Variants in ARHGAP10 observed in about 807,000 individuals in gnomAD.
ARHGAP10 encodes the protein Rho GTPase activating protein 10, also known as rho GTPase-activating protein 10.
Under a neutral mutation model 108.6 loss-of-function variants are expected in ARHGAP10, and 87 were observed. The observed-to-expected ratio is 0.80, with a 90% CI of 0.67 to 0.96. The LOEUF (loss-of-function observed/expected upper bound fraction) is 0.96, where lower values mean the gene tolerates loss of function less well. Ranked by LOEUF, ARHGAP10 falls within the 40% of genes least tolerant of loss-of-function variation. The pLI is 0.00. For missense variants in ARHGAP10, 939 were observed against 954.5 expected, an observed-to-expected ratio of 0.98 and a Z score of 0.21; for synonymous variants, 347 against 341.1, an observed-to-expected ratio of 1.02 and a Z score of -0.19.
intron 4 of ARHGAP10, among the ~76,000 whole-genome samples, chr4:147,853,584 T>C (rs936493665): frequency 2.0e-5 from 3 of 152,220 alleles, no homozygotes; most frequent in Non-Finnish European, 4.4e-5. Flanking sequence ...TTCTTTGTGT[T>C]CTTTATCCAT....
Position 148,052,392 on chromosome 4 carries a change from CTTTTTTTTTT to C in ARHGAP10, c.2027+5352_2027+5361del, listed in dbSNP as rs35449374. Among the ~76,000 whole-genome samples the C allele has an allele frequency of 5.1e-3, 465 of 90,692 alleles. 4 individuals carry two copies. Among genetic ancestry groups the C allele is most frequent in the Middle Eastern group, 0.035 (4 of 114 alleles). 59.5% of individuals were successfully genotyped at this position (90,692 alleles called of 152,430 possible). On this transcript the variant is annotated intron_variant, in intron 20 of 22. Coordinates refer to ENST00000336498, the MANE Select transcript of ARHGAP10 (RefSeq NM_024605.4). ...TTAAAAGTGTTTTTTTGCACATTTGCTTTTTTTTTTTTTTTTTTTTGGGCTAATTGACCAA... is the reference window on the plus strand; with the variant it reads ...TTAAAAGTGTTTTTTTGCACATTTGCTTTTTTTTTTGGGCTAATTGACCAA...
chr4:147,771,328 A>G (rs977083138), intron 1 of ARHGAP10, among the ~76,000 whole-genome samples: 13 of 152,106 alleles, frequency 8.5e-5, no homozygotes, highest in Non-Finnish European at 1.5e-5. Context: ...TTACTTTTTA[A>G]TTTTTGTGGG....
At chr4:147,879,146 A>G in intron 8 of ARHGAP10, 86 bp from the exon 9 acceptor site, 1 of 1,050,054 alleles carries the variant, frequency 9.5e-7, no homozygotes, top group Non-Finnish European at 1.4e-6. Flanking sequence ...TGCGTTTTAG[A>G]CATTTCCTCT....
At chr4:147,901,367 A>C (rs1479458733) in intron 10 of ARHGAP10, among the ~76,000 whole-genome samples, 1 of 152,198 alleles carries the variant, frequency 6.6e-6, no homozygotes, top group Non-Finnish European at 1.5e-5. Flanking sequence ...TTTAATGTTA[A>C]AGTAATGCGT....
chr4:147,883,983 CTG>C (rs1318870786), intron 10 of ARHGAP10, among the ~76,000 whole-genome samples: 1 of 152,234 alleles, frequency 6.6e-6, no homozygotes, highest in African/African-American at 2.4e-5. Flanking sequence ...GCAAGAGCCA[CTG>C]TGCCTAGCTT....
chr4:147,910,530 G>A (rs954326460), intron 12 of ARHGAP10, among the ~76,000 whole-genome samples: 7 of 152,068 alleles, frequency 4.6e-5, no homozygotes, highest in African/African-American at 1.7e-4. Context: ...TGTAGTGTTT[G>A]ACTACAGGCT....
At chr4:147,807,492 A>G (rs554255830) in intron 1 of ARHGAP10, among the ~76,000 whole-genome samples, 16 of 152,258 alleles carry the variant, frequency 1.1e-4, no homozygotes, top group African/African-American at 3.4e-4. Context: ...TTTTTCTGAA[A>G]TGGTCAGGAA....
At chr4:147,773,231 A>C (rs1730144812) in intron 1 of ARHGAP10, among the ~76,000 whole-genome samples, 1 of 152,204 alleles carries the variant, frequency 6.6e-6, no homozygotes, top group Non-Finnish European at 1.5e-5. Context: ...CGTTACTTTC[A>C]TTAATGTACA....
At chr4:148,010,050 T>C (rs751606099) in intron 18 of ARHGAP10, among the ~76,000 whole-genome samples, 22 of 152,232 alleles carry the variant, frequency 1.4e-4, no homozygotes, top group Non-Finnish European at 2.8e-4. Flanking sequence ...TAGATGTCTG[T>C]GTTTTGGTCT....
intron 7 of ARHGAP10, among the ~76,000 whole-genome samples, chr4:147,872,435 T>G (rs1734865646): frequency 6.6e-6 from 1 of 152,184 alleles, no homozygotes; most frequent in Admixed American, 6.5e-5. Flanking sequence ...GGTTTTCAAA[T>G]ATATAGGTAG....
chr4:147,788,565 C>T (rs1730990467), intron 1 of ARHGAP10, among the ~76,000 whole-genome samples: 1 of 152,172 alleles, frequency 6.6e-6, no homozygotes, highest in Non-Finnish European at 1.5e-5. Context: ...GTAAGGAGAT[C>T]AGCACATGGG....
intron 13 of ARHGAP10, among the ~76,000 whole-genome samples, chr4:147,913,850 C>T (rs186005758): frequency 6.6e-6 from 1 of 152,146 alleles, no homozygotes; most frequent in Admixed American, 6.5e-5. Context: ...TTGTGTGGGT[C>T]CCTGTTTAAA....
At chr4:147,920,838 A>AT (rs908679385) in intron 13 of ARHGAP10, among the ~76,000 whole-genome samples, 7 of 152,200 alleles carry the variant, frequency 4.6e-5, no homozygotes, top group African/African-American at 1.7e-4. Flanking sequence ...GGGAAAGTAT[A>AT]TTTTGGCGTT....
chr4:147,967,559 A>G (rs1054310459), intron 18 of ARHGAP10, among the ~76,000 whole-genome samples: 1 of 152,244 alleles, frequency 6.6e-6, no homozygotes, highest in Non-Finnish European at 1.5e-5. Context: ...CCCTCCCACC[A>G]TACCCACTCA....
At chr4:147,794,463 C>G (rs571248394) in intron 1 of ARHGAP10, among the ~76,000 whole-genome samples, 3 of 152,208 alleles carry the variant, frequency 2.0e-5, no homozygotes, top group African/African-American at 7.2e-5. Context: ...GAGTATACAA[C>G]TGGTTAGGTT....
At chr4:147,769,889 C>T (rs1320581309) in intron 1 of ARHGAP10, among the ~76,000 whole-genome samples, 6 of 152,236 alleles carry the variant, frequency 3.9e-5, no homozygotes, top group Admixed American at 2.6e-4. Flanking sequence ...AAGGGACTGC[C>T]ACTTTTCTCT....
chr4:147,791,522 G>C (rs1246903692), intron 1 of ARHGAP10, among the ~76,000 whole-genome samples: 1 of 149,928 alleles, frequency 6.7e-6, no homozygotes, highest in South Asian at 2.1e-4. Context: ...TGGTTATTCC[G>C]TGTGTGTGTG....
chr4:148,005,809 A>G (rs1461439147), intron 18 of ARHGAP10, among the ~76,000 whole-genome samples: 3 of 152,222 alleles, frequency 2.0e-5, no homozygotes, highest in Admixed American at 6.5e-5. Flanking sequence ...AAGTATTTAC[A>G]TGTGTATGAT....
intron 22 of ARHGAP10, among the ~76,000 whole-genome samples, chr4:148,070,026 C>G (rs1243057557): frequency 3.3e-5 from 5 of 152,244 alleles, no homozygotes. Context: ...TTTGAGAGCA[C>G]ATCTCTGAAT....
Sources: allele counts gnomAD v4.1 joint callset (sites outside exome capture counted in the v4.1 genomes callset), GRCh38; gene constraint gnomAD v4.1.1; transcripts MANE v1.5; gene names NCBI Gene and HGNC (gene_info 2026-07-23, HGNC 2026-07-21).